Variants in GRID2 observed in about 807,000 individuals in gnomAD.
GRID2 encodes glutamate ionotropic receptor delta type subunit 2.
A neutral mutation model predicts 114.8 loss-of-function variants in GRID2; 33 were observed. That is an observed-to-expected ratio of 0.29 (90% CI 0.22 to 0.38). The LOEUF (loss-of-function observed/expected upper bound fraction) is 0.38, where lower values mean the gene tolerates loss of function less well. Among genes scored for constraint, GRID2 ranks in the 10% least tolerant of loss-of-function variants. The pLI, the probability that GRID2 is intolerant of heterozygous loss-of-function variation, is 1.00. For synonymous variants in GRID2, 505 were observed against 449.9 expected, an observed-to-expected ratio of 1.12 and a Z score of -1.55; for missense variants, 1,184 against 1,257.7, an observed-to-expected ratio of 0.94 and a Z score of 0.89.
intron 2 of GRID2, among the ~76,000 whole-genome samples, chr4:92,684,785 A>G (rs1733821732): frequency 6.6e-6 from 1 of 152,104 alleles, no homozygotes; most frequent in African/African-American, 2.4e-5. Context: ...TAAGGATAAC[A>G]TAATGTTTGT....
At chr4:92,390,287 CAAAT>C (rs1196183825) in intron 1 of GRID2, among the ~76,000 whole-genome samples, 4 of 152,180 alleles carry the variant, frequency 2.6e-5, no homozygotes, top group South Asian at 2.1e-4. Context: ...AGTATAATGA[CAAAT>C]AAAATTAATT....
chr4:93,578,338 T>C (rs935211381), intron 13 of GRID2, among the ~76,000 whole-genome samples: 2 of 152,252 alleles, frequency 1.3e-5, no homozygotes, highest in East Asian at 3.9e-4. Flanking sequence ...CTGAGCAATT[T>C]TGATAGCCTT....
intron 1 of GRID2, among the ~76,000 whole-genome samples, chr4:92,310,152 C>T (rs2110108069): frequency 6.6e-6 from 1 of 152,096 alleles, no homozygotes. Flanking sequence ...CCACTACTAT[C>T]ACTACAAGTA....
rs530810510 is a variant in GRID2, at chr4:92,536,433, C to T, written c.89-53698C>T. ...GCCGGCTTCACCTCTCACTACGTTG[C>T]ATAGTACTAGACAGACCTACCCTGT... is the stretch of plus-strand genomic sequence containing the variant. On this transcript the variant is annotated intron_variant, in intron 1 of 15. Transcript: ENST00000282020. Among the ~76,000 whole-genome samples the T allele has an allele frequency of 3.3e-5, 5 of 152,258 alleles. No individual in the cohort carries two copies. In the South Asian group the frequency reaches 8.3e-4, roughly 25 times the overall value.
At chr4:93,043,143 A>C (rs1191730002) in intron 2 of GRID2, among the ~76,000 whole-genome samples, 4 of 152,176 alleles carry the variant, frequency 2.6e-5, no homozygotes, top group Admixed American at 2.0e-4. Flanking sequence ...ATAATGACAA[A>C]GTTTCTTTTA....
At chr4:93,110,549 A>G (rs561112817) in intron 3 of GRID2, among the ~76,000 whole-genome samples, 199 bp from the exon 4 acceptor site, 1 of 152,246 alleles carries the variant, frequency 6.6e-6, no homozygotes, top group African/African-American at 2.4e-5. Flanking sequence ...AAAAATAACA[A>G]TTCCTACATT....
At chr4:92,531,364 C>T (rs1275641641) in intron 1 of GRID2, among the ~76,000 whole-genome samples, 6 of 151,822 alleles carry the variant, frequency 4.0e-5, no homozygotes, top group African/African-American at 7.3e-5. Context: ...AGATTAATTA[C>T]AAATGAAGTA....
intron 2 of GRID2, among the ~76,000 whole-genome samples, chr4:93,066,136 A>T (rs1728270625): frequency 6.6e-6 from 1 of 151,946 alleles, no homozygotes; most frequent in Non-Finnish European, 1.5e-5. Context: ...GAGCATACAC[A>T]TGTAACCAGC....
chr4:93,230,406 A>C (rs2149499667), intron 7 of GRID2, among the ~76,000 whole-genome samples: 1 of 152,274 alleles, frequency 6.6e-6, no homozygotes, highest in Non-Finnish European at 1.5e-5. Context: ...GCATGCAACA[A>C]GTATACTCTT....
At chr4:92,762,821 C>A (rs1430921872) in intron 2 of GRID2, among the ~76,000 whole-genome samples, 1 of 152,168 alleles carries the variant, frequency 6.6e-6, no homozygotes, top group Non-Finnish European at 1.5e-5. Flanking sequence ...GCATCTTTCC[C>A]AGCCACACTG....
intron 8 of GRID2, among the ~76,000 whole-genome samples, chr4:93,354,204 A>G (rs948626952): frequency 3.3e-5 from 5 of 152,050 alleles, no homozygotes; most frequent in Admixed American, 6.6e-5. Flanking sequence ...CAGTAACACT[A>G]AGCCTTTTAA....
chr4:93,021,570 A>AAT (rs1256544554), intron 2 of GRID2, among the ~76,000 whole-genome samples: 1 of 146,000 alleles, frequency 6.8e-6, no homozygotes, highest in Non-Finnish European at 1.5e-5. Context: ...AATAATAAAT[A>AAT]ATATATATTA....
intron 2 of GRID2, among the ~76,000 whole-genome samples, chr4:92,888,052 C>A (rs1460065078): frequency 2.6e-5 from 4 of 152,044 alleles, no homozygotes; most frequent in Admixed American, 2.0e-4. Flanking sequence ...ATCTATGAAA[C>A]CTAGAGTTCG....
intron 1 of GRID2, among the ~76,000 whole-genome samples, chr4:92,511,393 G>GC (rs546010634): frequency 0.011 from 1,656 of 151,910 alleles, 11 homozygotes; most frequent in Non-Finnish European, 0.018. Flanking sequence ...CAGGTCCACC[G>GC]CCAACACTGG....
chr4:93,604,309 G>A (rs184281903), intron 13 of GRID2, among the ~76,000 whole-genome samples: 114 of 152,224 alleles, frequency 7.5e-4, no homozygotes, highest in Non-Finnish European at 1.2e-3. Flanking sequence ...TGATAGAAAC[G>A]GTAAGAGAAC....
chr4:93,222,117 G>A (rs1744948652), intron 6 of GRID2, among the ~76,000 whole-genome samples: 1 of 152,070 alleles, frequency 6.6e-6, no homozygotes, highest in Non-Finnish European at 1.5e-5. Flanking sequence ...TATGTGCGAG[G>A]CTCTAGGCTA....
intron 2 of GRID2, among the ~76,000 whole-genome samples, chr4:93,001,597 G>A (rs1318934071): frequency 1.3e-5 from 2 of 151,632 alleles, no homozygotes; most frequent in East Asian, 3.9e-4. Context: ...CTGGTACTGT[G>A]AAAACTATAC....
chr4:93,072,529 T>G (rs1728901491), intron 2 of GRID2, among the ~76,000 whole-genome samples: 1 of 152,110 alleles, frequency 6.6e-6, no homozygotes, highest in African/African-American at 2.4e-5. Context: ...GAACTATGGC[T>G]GCAGGGGACC....
chr4:93,728,438 G>T (rs1289666507), intron 14 of GRID2, among the ~76,000 whole-genome samples: 1 of 152,112 alleles, frequency 6.6e-6, no homozygotes, highest in Non-Finnish European at 1.5e-5. Context: ...GGTGTGGTGT[G>T]GTGCTGAAAA....
Sources: gnomAD v4.1 joint callset for allele counts (sites outside exome capture counted in the v4.1 genomes callset) on GRCh38, gnomAD v4.1.1 for gene constraint, MANE v1.5 for transcripts, NCBI Gene and HGNC (gene_info 2026-07-23, HGNC 2026-07-21) for gene names.